The following ACTR3 variants were observed in gnomAD, a reference collection of about 807,000 sequenced individuals.
ACTR3 encodes the protein actin-related protein 3.
Under a neutral mutation model 56.8 loss-of-function variants are expected in ACTR3, and 12 were observed. The ratio of observed to expected loss-of-function variants is 0.21; its 90% CI spans 0.14 to 0.34. The LOEUF is 0.34. Ranked by LOEUF, ACTR3 falls within the 10% of genes least tolerant of loss-of-function variation. The probability of loss-of-function intolerance (pLI) is 1.00; values close to 1 mark genes in which losing one functional copy is unlikely to be tolerated. For synonymous variants in ACTR3, 162 were observed against 167.4 expected (o/e 0.97, Z 0.25); for missense variants, 282 against 512.5 (o/e 0.55, Z 4.34).
At chr2:113,946,626 T>C (rs1286141482) in intron 8 of ACTR3, among the ~76,000 whole-genome samples, 2 of 152,226 alleles carry the variant, frequency 1.3e-5, no homozygotes, top group East Asian at 3.8e-4. Context: ...ATGTGTAATT[T>C]GCAAAGATTT....
At chr2:113,909,331 T>G (rs1250557403) in intron 1 of ACTR3, among the ~76,000 whole-genome samples, 1 of 152,180 alleles carries the variant, frequency 6.6e-6, no homozygotes, top group East Asian at 1.9e-4. Flanking sequence ...AATTCATTGA[T>G]GAATATACTC....
intron 1 of ACTR3, among the ~76,000 whole-genome samples, chr2:113,908,291 T>C (rs2104589159): frequency 6.6e-6 from 1 of 151,392 alleles, no homozygotes; most frequent in Admixed American, 6.6e-5. Context: ...GAGAGAAACT[T>C]CTACCATCTA....
At chr2:113,956,504 G>A (rs555648789) in intron 11 of ACTR3, among the ~76,000 whole-genome samples, 1 of 151,392 alleles carries the variant, frequency 6.6e-6, no homozygotes, top group African/African-American at 2.4e-5. Context: ...GTCCTTGTTT[G>A]TTCTGTTTAA....
chr2:113,961,775 T>A lies in ACTR3; in HGVS notation c.*4320T>A, dbSNP rs1680330513. On this transcript the variant is annotated 3_prime_UTR_variant, in exon 12 of 12. Transcript: ENST00000263238. Reference sequence around the variant, plus strand: ...TGCCTAGATAAGATTTGAGAGATAGTAAGTGCGGAATTTCTCTTCATAAAA... The same window carrying A: ...TGCCTAGATAAGATTTGAGAGATAGAAAGTGCGGAATTTCTCTTCATAAAA... The A allele has an allele frequency of 6.6e-6, 1 of 151,966 alleles. No individual in the cohort carries two copies. The allele number at this position is 151,966 out of a possible 1,614,324, so 9.4% of individuals were successfully genotyped here.
chr2:113,921,231 CG>C (rs1474556118), intron 3 of ACTR3, among the ~76,000 whole-genome samples: 12 of 150,462 alleles, frequency 8.0e-5, no homozygotes, highest in East Asian at 3.9e-4. Flanking sequence ...TCATGTTGGA[CG>C]TTTTTTTCAT....
At chr2:113,945,474 C>CT (rs962400139) in intron 8 of ACTR3, among the ~76,000 whole-genome samples, 13 of 152,108 alleles carry the variant, frequency 8.5e-5, no homozygotes, top group Admixed American at 2.6e-4. Context: ...TTCTTCCAGC[C>CT]TGCCAACATG....
chr2:113,924,597 T>G (rs745828991), intron 3 of ACTR3, among the ~76,000 whole-genome samples: 10 of 152,154 alleles, frequency 6.6e-5, no homozygotes, highest in Non-Finnish European at 1.3e-4. Flanking sequence ...AAAAGGAAAA[T>G]TTTTGAGAAT....
chr2:113,962,054 T>C lies in ACTR3; in HGVS notation c.*4599T>C, dbSNP rs1282118777. ...TTGATGAATGAATGAGTAAAAATTA[T>C]TTTTCATGTTAAAATAAAACTTTGA... is the stretch of plus-strand genomic sequence containing the variant. On this transcript the variant is annotated 3_prime_UTR_variant, in exon 12 of 12. Transcript: ENST00000263238. The C allele has an allele frequency of 6.6e-6, 1 of 151,992 alleles. No homozygotes were observed. The highest frequency in any genetic ancestry group is 6.6e-5 in the Admixed American group (1 of 15,224). The allele number at this position is 151,992 out of a possible 1,614,324, so 9.4% of individuals were successfully genotyped here. A position where few individuals can be genotyped will look rare whatever the true frequency, so the allele number is the denominator to read the frequency against.
chr2:113,944,769 A>G (rs1166156933), intron 8 of ACTR3, among the ~76,000 whole-genome samples: 2 of 151,970 alleles, frequency 1.3e-5, no homozygotes, highest in Non-Finnish European at 2.9e-5. Flanking sequence ...TTCAAAAAAA[A>G]TTGAGGGCTT....
chr2:113,899,822 G>A (rs1679067547), intron 1 of ACTR3, among the ~76,000 whole-genome samples: 1 of 152,192 alleles, frequency 6.6e-6, no homozygotes, highest in African/African-American at 2.4e-5. Context: ...AGTCATGAAG[G>A]AGTTTCAAAG....
chr2:113,891,309 G>C (rs1678890111), intron 1 of ACTR3, among the ~76,000 whole-genome samples: 1 of 152,204 alleles, frequency 6.6e-6, no homozygotes, highest in African/African-American at 2.4e-5. Context: ...GGAAGGTATA[G>C]AGGTATATAG....
intron 6 of ACTR3, among the ~76,000 whole-genome samples, chr2:113,939,452 A>G (rs1346105348): frequency 2.0e-5 from 3 of 152,224 alleles, no homozygotes; most frequent in Non-Finnish European, 4.4e-5. Flanking sequence ...TAATTTTGCC[A>G]CACTATTTGT....
In ACTR3 at chr2:113,939,223, C is replaced by T. The variant is rs550163105; in HGVS notation, c.541-736C>T. On this transcript the variant is annotated intron_variant, in intron 6 of 11. Coordinates refer to ENST00000263238, the MANE Select transcript of ACTR3 (RefSeq NM_005721.5). The stretch of plus-strand genomic sequence containing the variant: ...ATTTTTAGTAGAGACGGGGTTTCAC[C>T]GTGTTAGCCAGGATGGTCTCGATCT... Among the ~76,000 whole-genome samples the T allele has an allele frequency of 1.2e-4, 18 of 151,948 alleles. No homozygotes were observed. In the South Asian group the frequency reaches 2.3e-3, roughly 19 times the overall value.
At chr2:113,916,845 G>A (rs1464044066) in intron 2 of ACTR3, 39 bp from the exon 3 acceptor site, 1 of 1,550,772 alleles carries the variant, frequency 6.4e-7, no homozygotes, top group African/African-American at 1.4e-5. Flanking sequence ...TCTCATTTGA[G>A]GAAAATGAAT....
chr2:113,949,223 C>CA lies in ACTR3; in HGVS notation c.859-2251dup, dbSNP rs1218365701. On this transcript the variant is annotated intron_variant, in intron 8 of 11. Coordinates refer to ENST00000263238, the MANE Select transcript of ACTR3 (RefSeq NM_005721.5). ...TGAAACCCCGTCTCTACTAAAAACA[C>CA]AAAAATTAGCCGGGCGTGGTGGCGG... is the stretch of plus-strand genomic sequence containing the variant. Among the ~76,000 whole-genome samples the CA allele has an allele frequency of 2.7e-5, 4 of 150,268 alleles. No homozygotes were observed. In the East Asian group the frequency reaches 8.0e-4, roughly 30 times the overall value.
rs115997450 is a variant in ACTR3 at position 113,952,104 on chromosome 2, A to G, written c.1077+259A>G. On this transcript the variant is annotated intron_variant, in intron 10 of 11. Coordinates refer to ENST00000263238, the MANE Select transcript of ACTR3 (RefSeq NM_005721.5). ...TTTTTTTTAAATACCTCTCTCATAGATAATTAATATAGTAGATTTCTTTGC... is the reference window on the plus strand; with the variant it reads ...TTTTTTTTAAATACCTCTCTCATAGGTAATTAATATAGTAGATTTCTTTGC... 4.3e-3 allele frequency: 1,514 copies of G among 352,600 alleles called. 19 individuals are homozygous for G. The highest frequency in any genetic ancestry group is 0.027 in the African/African-American group (1,337 of 48,722). 21.8% of individuals were successfully genotyped at this position (352,600 alleles called of 1,614,324 possible). A position where few individuals can be genotyped will look rare whatever the true frequency, so the allele number is the denominator to read the frequency against.
intron 1 of ACTR3, chr2:113,890,551 A>G (rs1678867905): frequency 2.2e-6 from 3 of 1,369,898 alleles, no homozygotes; most frequent in Non-Finnish European, 2.8e-6. Flanking sequence ...TCAACCCCCA[A>G]CCCTCCCAGC....
intron 2 of ACTR3, among the ~76,000 whole-genome samples, chr2:113,915,326 C>T (rs1385449779): frequency 1.3e-5 from 2 of 152,152 alleles, no homozygotes; most frequent in Non-Finnish European, 2.9e-5. Flanking sequence ...AGTCACATGG[C>T]TGTCTTCTTA....
At chr2:113,907,498 C>T (rs1679217178) in intron 1 of ACTR3, among the ~76,000 whole-genome samples, 1 of 152,130 alleles carries the variant, frequency 6.6e-6, no homozygotes, top group African/African-American at 2.4e-5. Context: ...AGTGACCTTC[C>T]TGCTTTGGCC....
Sources: allele counts gnomAD v4.1 joint callset (sites outside exome capture counted in the v4.1 genomes callset), GRCh38; gene constraint gnomAD v4.1.1; transcripts MANE v1.5; gene names NCBI Gene and HGNC (gene_info 2026-07-23, HGNC 2026-07-21).